TRAPPC2: variants seen among roughly 807,000 people sequenced by gnomAD.
The protein encoded by TRAPPC2 is trafficking protein particle complex subunit 2.
TRAPPC2 carries 4 observed loss-of-function variants against 10.0 expected under a neutral mutation model. That is an observed-to-expected ratio of 0.40 (90% CI 0.20 to 0.92). The LOEUF (loss-of-function observed/expected upper bound fraction) is 0.92, where lower values mean the gene tolerates loss of function less well. TRAPPC2 is among the 40% of genes least tolerant of loss of function. TRAPPC2 has a pLI of 0.35. For synonymous variants in TRAPPC2, 36 were observed against 37.3 expected (o/e 0.97, Z 0.12); for missense variants, 52 against 108.7 (o/e 0.48, Z 2.32).
At chrX:13,716,472 T>A (rs749915302) in intron 4 of TRAPPC2, 62 bp downstream of exon 4, 14 of 1,168,077 alleles carry the variant, frequency 1.2e-5, no homozygotes, top group Middle Eastern at 2.4e-4. Flanking sequence ...CTATGTTCCA[T>A]GTTCTTCTGG....
intron 3 of TRAPPC2, among the ~76,000 whole-genome samples, chrX:13,719,547 G>A (rs781464448): frequency 8.9e-5 from 10 of 112,039 alleles, no homozygotes; most frequent in Non-Finnish European, 1.7e-4. Context: ...CATGAAAACA[G>A]CCTGGACTTT....
In TRAPPC2 at chrX:13,712,309, A is replaced by G. The variant is rs1422071607; in HGVS notation, c.*2098T>C. 1 of 112,531 alleles carries G rather than the reference A, an allele frequency of 8.9e-6. No homozygotes were observed. The highest frequency in any genetic ancestry group is 2.8e-4 in the East Asian group (1 of 3,627). 9.3% of individuals were successfully genotyped at this position (112,531 alleles called of 1,213,427 possible). A position where few individuals can be genotyped will look rare whatever the true frequency, so the allele number is the denominator to read the frequency against. ...AAATTATGCAATTTCACACAAGGAT[A>G]CAAGACAAAGCTTAGAATTACTTGC... On this transcript the variant is annotated 3_prime_UTR_variant, in exon 6 of 6. Coordinates refer to ENST00000380579, the MANE Select transcript of TRAPPC2 (RefSeq NM_001011658.4).
intron 2 of TRAPPC2, among the ~76,000 whole-genome samples, chrX:13,722,745 A>C (rs866199994): frequency 8.9e-6 from 1 of 112,025 alleles, no homozygotes; most frequent in African/African-American, 3.2e-5. Context: ...GCTGTCCAAT[A>C]TGTGAGCTAG....
chrX:13,717,059 AAAAAAC>A (rs2046308413), intron 3 of TRAPPC2, among the ~76,000 whole-genome samples: 2 of 105,442 alleles, frequency 1.9e-5, no homozygotes, highest in Non-Finnish European at 3.9e-5. Flanking sequence ...AAAAAAAAAA[AAAAAAC>A]AAGATCCTGT....
intron 2 of TRAPPC2, among the ~76,000 whole-genome samples, chrX:13,727,264 A>C (rs1170172907): frequency 8.9e-6 from 1 of 112,190 alleles, no homozygotes; most frequent in Admixed American, 9.4e-5. Context: ...ATAGACATCT[A>C]CAGAACTCTC....
In TRAPPC2 at chrX:13,734,190, CAAAAT is replaced by C. The variant is rs776200161; in HGVS notation, c.-161-10_-161-6del. 86 of 482,335 alleles carry C rather than the reference CAAAAT, an allele frequency of 1.8e-4. No individual in the cohort carries two copies. The highest frequency in any genetic ancestry group is 2.9e-4 in the Non-Finnish European group (79 of 270,057). 39.7% of individuals were successfully genotyped at this position (482,335 alleles called of 1,213,427 possible). ...CACTTGGGGGAGAAGGTGATACTGACAAAATAGAGAGCAAGGATACAGCTAAACCT... is the reference window on the plus strand; with the variant it reads ...CACTTGGGGGAGAAGGTGATACTGACAGAGAGCAAGGATACAGCTAAACCT... On this transcript the variant is annotated splice_polypyrimidine_tract_variant and splice_region_variant and intron_variant, in intron 1 of 5. Coordinates refer to ENST00000380579, the MANE Select transcript of TRAPPC2 (RefSeq NM_001011658.4).
intron 2 of TRAPPC2, among the ~76,000 whole-genome samples, chrX:13,725,286 A>C (rs1262949882): frequency 1.8e-5 from 2 of 112,890 alleles, no homozygotes; most frequent in Middle Eastern, 4.2e-3. Flanking sequence ...GAACGGACAG[A>C]CTGCCTCCTC....
chrX:13,725,497 G>A (rs2046527757), intron 2 of TRAPPC2, among the ~76,000 whole-genome samples: 1 of 112,298 alleles, frequency 8.9e-6, no homozygotes, highest in African/African-American at 3.2e-5. Flanking sequence ...AACTCCAACA[G>A]ACCTGCAGCT....
chrX:13,731,187 AT>A (rs2046669864), intron 2 of TRAPPC2, among the ~76,000 whole-genome samples: 1 of 112,449 alleles, frequency 8.9e-6, no homozygotes, highest in South Asian at 3.6e-4. Flanking sequence ...CATTTGAGAA[AT>A]TGCAAGAAAA....
intron 2 of TRAPPC2, among the ~76,000 whole-genome samples, chrX:13,727,534 A>T (rs2046579663): frequency 2.7e-5 from 3 of 112,390 alleles, no homozygotes. Flanking sequence ...AGAAATAAAG[A>T]TGTTCTCTGA....
At position 13,716,651 on chromosome X, in the gene TRAPPC2, T is replaced by C; in HGVS notation, c.121A>G (p.Ile41Val). The C allele has an allele frequency of 8.3e-7, 1 of 1,211,962 alleles. No individual in the cohort carries two copies. Among genetic ancestry groups the C allele is most frequent in the Non-Finnish European group, 1.1e-6 (1 of 895,422 alleles). Residue 41 changes from isoleucine to valine, a missense_variant, in exon 4 of 6, where the codon ATA (isoleucine) becomes GTA (valine). Coordinates refer to ENST00000380579, the MANE Select transcript of TRAPPC2 (RefSeq NM_001011658.4). ...ACGAGGTCGAGAGCAGCATGAGCTA[T>C]GAACTGGTTCAGATGACGATGGTCG... ...KDDHRHLNQF[I>V]AHAALDLVDE...
intron 2 of TRAPPC2, chrX:13,722,202 C>CAGA (rs2046423700): frequency 4.5e-5 from 1 of 22,084 alleles, no homozygotes; most frequent in South Asian, 3.3e-3. Context: ...TACATTTAAG[C>CAGA]AGCAGCAAAA....
At chrX:13,723,672 A>G (rs1374667363) in intron 2 of TRAPPC2, among the ~76,000 whole-genome samples, 4 of 111,322 alleles carry the variant, frequency 3.6e-5, no homozygotes, top group African/African-American at 6.5e-5. Flanking sequence ...TCTCCAAGAG[A>G]GGCTTGGCCC....
intron 4 of TRAPPC2, chrX:13,716,315 G>A (rs2046284536): frequency 3.6e-6 from 2 of 557,907 alleles, no homozygotes; most frequent in Admixed American, 7.9e-5. Flanking sequence ...ATAGGGTCCA[G>A]ATAAACTCTT....
At chrX:13,733,428 G>A (rs2046724941) in intron 2 of TRAPPC2, among the ~76,000 whole-genome samples, 1 of 111,436 alleles carries the variant, frequency 9.0e-6, no homozygotes, top group Non-Finnish European at 1.9e-5. Context: ...TTCATGCCTG[G>A]AATGTTCTCC....
chrX:13,720,138 C>T (rs1336635482), intron 2 of TRAPPC2, 156 bp from the exon 3 acceptor site: 7 of 326,680 alleles, frequency 2.1e-5, no homozygotes, highest in East Asian at 9.4e-5. Flanking sequence ...AGCGAAGATA[C>T]GTAGCTTCTG....
intron 2 of TRAPPC2, among the ~76,000 whole-genome samples, chrX:13,730,583 T>C (rs978634001): frequency 5.4e-5 from 6 of 111,583 alleles, no homozygotes; most frequent in African/African-American, 9.8e-5. Context: ...ACCCAAAGGA[T>C]TACAAATCAT....
intron 2 of TRAPPC2, chrX:13,722,208 C>CAAAAAAAAAAAAAAAAAAAAAAAAAAA (rs748574644): frequency 8.3e-5 from 3 of 36,116 alleles, no homozygotes; most frequent in Non-Finnish European, 1.0e-4. Flanking sequence ...TAAGCAGCAG[C>CAAAAAAAAAAAAAAAAAAAAAAAAAAA]AAAAAAAAAA....
chrX:13,731,913 T>C (rs2046685361), intron 2 of TRAPPC2, among the ~76,000 whole-genome samples: 1 of 111,932 alleles, frequency 8.9e-6, no homozygotes, highest in South Asian at 3.6e-4. Context: ...AAGATCTCCA[T>C]GGCTAGGAGA....
Sources: gnomAD v4.1 joint callset for allele counts (sites outside exome capture counted in the v4.1 genomes callset) on GRCh38, gnomAD v4.1.1 for gene constraint, MANE v1.5 for transcripts, NCBI Gene and HGNC (gene_info 2026-07-23, HGNC 2026-07-21) for gene names.